SYNE1: variants seen among roughly 807,000 people sequenced by gnomAD.
SYNE1 encodes nesprin-1.
SYNE1 carries 616 observed loss-of-function variants against 1,111.0 expected under a neutral mutation model. The ratio of observed to expected loss-of-function variants is 0.55; its 90% CI spans 0.52 to 0.59. SYNE1 has a LOEUF of 0.59. Ranked by LOEUF, SYNE1 falls within the 20% of genes least tolerant of loss-of-function variation. SYNE1 has a pLI of 0.00. For missense variants in SYNE1, 10,006 were observed against 10,417.0 expected, an observed-to-expected ratio of 0.96 and a Z score of 1.72; for synonymous variants, 3,855 against 3,825.8, an observed-to-expected ratio of 1.01 and a Z score of -0.28.
chr6:152,348,299 C>T (rs552665117), intron 72 of SYNE1, among the ~76,000 whole-genome samples: 14 of 152,306 alleles, frequency 9.2e-5, no homozygotes, highest in African/African-American at 2.9e-4. Flanking sequence ...AGACACAGCT[C>T]GGCCTGATTT....
At chr6:152,328,019 C>A (rs1264173740) in intron 78 of SYNE1, among the ~76,000 whole-genome samples, 1 of 152,088 alleles carries the variant, frequency 6.6e-6, no homozygotes, top group Admixed American at 6.6e-5. Context: ...AAAGTGTTAA[C>A]CTTAACCTCT....
At chr6:152,555,259 A>G (rs2099361074) in intron 3 of SYNE1, among the ~76,000 whole-genome samples, 1 of 152,182 alleles carries the variant, frequency 6.6e-6, no homozygotes, top group East Asian at 1.9e-4. Flanking sequence ...GTATAAGCAT[A>G]TATCACATAA....
At chr6:152,167,980 A>G in intron 130 of SYNE1, 1 of 778,058 alleles carries the variant, frequency 1.3e-6, no homozygotes, top group Non-Finnish European at 2.4e-6. Flanking sequence ...ATGGCCAGCT[A>G]TCTCCCAACA....
intron 2 of SYNE1, among the ~76,000 whole-genome samples, chr6:152,631,981 T>A (rs1340206843): frequency 6.6e-6 from 1 of 152,120 alleles, no homozygotes; most frequent in East Asian, 1.9e-4. Flanking sequence ...TAGCCCAGGA[T>A]CCACATACCA....
At chr6:152,419,825 G>T in intron 39 of SYNE1, 103 bp from the exon 40 acceptor site, 1 of 1,184,226 alleles carries the variant, frequency 8.4e-7, no homozygotes, top group Non-Finnish European at 1.2e-6. Flanking sequence ...AAGCAATGTT[G>T]TCACACATGA....
At chr6:152,452,838 G>A (rs1339795726) in intron 25 of SYNE1, among the ~76,000 whole-genome samples, 1 of 152,172 alleles carries the variant, frequency 6.6e-6, no homozygotes, top group African/African-American at 2.4e-5. Context: ...TCAGACGGAA[G>A]CCCGCGGGCC....
intron 131 of SYNE1, 68 bp downstream of exon 131, chr6:152,164,095 C>T (rs1309943516): frequency 1.0e-5 from 16 of 1,598,546 alleles, no homozygotes; most frequent in Non-Finnish European, 1.2e-5. Context: ...TCATGCCCAC[C>T]CCATCATCCT....
At chr6:152,188,293 G>A (rs2070837517) in intron 128 of SYNE1, among the ~76,000 whole-genome samples, 1 of 152,086 alleles carries the variant, frequency 6.6e-6, no homozygotes, top group Admixed American at 6.5e-5. Flanking sequence ...TAACCTCAAG[G>A]CATTTGGGTC....
intron 74 of SYNE1, among the ~76,000 whole-genome samples, chr6:152,341,500 A>G (rs1196435329): frequency 1.3e-5 from 2 of 152,218 alleles, no homozygotes; most frequent in Non-Finnish European, 2.9e-5. Flanking sequence ...TGCCTTCTAA[A>G]AACATATAGC....
At chr6:152,508,818 C>A (rs1278872534) in intron 8 of SYNE1, among the ~76,000 whole-genome samples, 1 of 152,274 alleles carries the variant, frequency 6.6e-6, no homozygotes, top group South Asian at 2.1e-4. Context: ...TTGACTACAA[C>A]TTGAATCATG....
At chr6:152,136,145 A>C (rs1300366998) in intron 141 of SYNE1, among the ~76,000 whole-genome samples, 2 of 152,126 alleles carry the variant, frequency 1.3e-5, no homozygotes, top group African/African-American at 2.4e-5. Context: ...CATTTTATTG[A>C]TCTTGTCTTC....
At chr6:152,507,925 T>G (rs758060557) in intron 8 of SYNE1, among the ~76,000 whole-genome samples, 3 of 152,202 alleles carry the variant, frequency 2.0e-5, no homozygotes, top group Non-Finnish European at 4.4e-5. Context: ...TTTTTAAACT[T>G]TATACGAAAA....
intron 127 of SYNE1, among the ~76,000 whole-genome samples, chr6:152,197,800 G>A (rs2074482638): frequency 6.6e-6 from 1 of 152,148 alleles, no homozygotes; most frequent in Non-Finnish European, 1.5e-5. Context: ...AAAGGCCTTA[G>A]GATTTCCAGA....
In SYNE1 at chr6:152,466,015, T is replaced by C. The variant is rs757292242; in HGVS notation, c.1696A>G (p.Thr566Ala). 8 of 1,613,030 alleles carry C rather than the reference T, an allele frequency of 5.0e-6. No homozygotes were observed. The African/African-American group carries it at 6.7e-5, about 13-fold the overall frequency. Residue 566 changes from threonine (T) to alanine (A), a missense_variant, in exon 17 of 146, where the codon ACA becomes GCA. Transcript: ENST00000367255. ...YEVTYQILKQ[T>A]AEMYVKADGS... is the part of the protein sequence containing the mutation. ...TCTGCTTTGACATACATCTCAGCTG[T>C]CTGTTTCAAGATCTGGTATGTCACC...
chr6:152,316,510 C>T (rs1357958489), intron 87 of SYNE1: 3 of 340,534 alleles, frequency 8.8e-6, no homozygotes, highest in Non-Finnish European at 1.7e-5. Context: ...TTCCACACTT[C>T]ATTGCATCTC....
At chr6:152,577,774 T>C (rs1359672293) in intron 3 of SYNE1, among the ~76,000 whole-genome samples, 1 of 137,036 alleles carries the variant, frequency 7.3e-6, no homozygotes, top group Non-Finnish European at 1.5e-5. Flanking sequence ...TTGAGTTTTC[T>C]GTTTTGTTTT....
chr6:152,234,862 C>T (rs1044551433), intron 110 of SYNE1, 62 bp from the exon 111 acceptor site: 33 of 1,573,768 alleles, frequency 2.1e-5, no homozygotes, highest in Admixed American at 8.5e-5. Flanking sequence ...TACTCACCTA[C>T]GTTACTCACC....
At chr6:152,297,822 TGC>T (rs66459713) in intron 93 of SYNE1, among the ~76,000 whole-genome samples, 14,114 of 49,536 alleles carry the variant, frequency 0.28, 776 homozygotes, top group Middle Eastern at 0.34. Context: ...TGTGTGTGTG[TGC>T]GCGCGCACGT....
chr6:152,239,498 T>C (rs773399134), intron 108 of SYNE1, 35 bp downstream of exon 108: 28 of 1,613,264 alleles, frequency 1.7e-5, no homozygotes, highest in Non-Finnish European at 2.2e-5. Context: ...AGCAGGAAGT[T>C]TGCAGCACAG....
Sources: allele counts gnomAD v4.1 joint callset (sites outside exome capture counted in the v4.1 genomes callset), GRCh38; gene constraint gnomAD v4.1.1; transcripts MANE v1.5; gene names NCBI Gene and HGNC (gene_info 2026-07-23, HGNC 2026-07-21).